RMDN3: variants seen among roughly 807,000 people sequenced by gnomAD.
RMDN3 encodes regulator of microtubule dynamics protein 3.
Under a neutral mutation model 61.8 loss-of-function variants are expected in RMDN3, and 41 were observed. The observed-to-expected ratio is 0.66, with a 90% CI of 0.52 to 0.86. RMDN3 has a LOEUF of 0.86. RMDN3 is among the 40% of genes least tolerant of loss of function. The probability of loss-of-function intolerance (pLI) is 0.00; values close to 1 mark genes in which losing one functional copy is unlikely to be tolerated. For missense variants in RMDN3, 557 were observed against 585.3 expected, an observed-to-expected ratio of 0.95 and a Z score of 0.50; for synonymous variants, 247 against 232.0, an observed-to-expected ratio of 1.06 and a Z score of -0.59.
intron 7 of RMDN3, 169 bp from the exon 8 acceptor site, chr15:40,738,745 G>A (rs944231207): frequency 3.9e-5 from 25 of 637,326 alleles, no homozygotes; most frequent in South Asian, 1.9e-4. Flanking sequence ...ACGGACCTCT[G>A]GCCCCAATTA....
At position 40,735,957 on chromosome 15, in the gene RMDN3, A is replaced by T. The variant is rs1023129012; in HGVS notation, c.*584T>A. ...TAGGCAACTTTTCAGACATTGTTTT[A>T]TAGCATCATAAACCCCATACCACTG... On this transcript the variant is annotated 3_prime_UTR_variant, in exon 13 of 13. Transcript: ENST00000338376. 2.0e-5 allele frequency: 3 copies of T among 152,242 alleles called. No individual in the cohort carries two copies. Among genetic ancestry groups the T allele is most frequent in the Non-Finnish European group, 4.4e-5 (3 of 68,050 alleles). 9.4% of individuals were successfully genotyped at this position (152,242 alleles called of 1,614,324 possible). A position where few individuals can be genotyped will look rare whatever the true frequency, so the allele number is the denominator to read the frequency against.
At chr15:40,751,155 T>C (rs1312054817) in intron 4 of RMDN3, among the ~76,000 whole-genome samples, 1 of 152,254 alleles carries the variant, frequency 6.6e-6, no homozygotes, top group Non-Finnish European at 1.5e-5. Context: ...TATCAAGTCC[T>C]TGTGATAACA....
chr15:40,739,316 A>G (rs144943903), intron 7 of RMDN3: 1 of 152,322 alleles, frequency 6.6e-6, no homozygotes, highest in African/African-American at 2.4e-5. Context: ...GGTATCAGAT[A>G]CTTCTAGAGG....
chr15:40,746,253 C>T lies in RMDN3; in HGVS notation c.525-994G>A, dbSNP rs941469346. The stretch of plus-strand genomic sequence containing the variant: ...ACACAAGGCTGGGGGCGGTGGCTCA[C>T]GCCTGTAATCCCAGCACTTTGGGAG... On this transcript the variant is annotated intron_variant, in intron 4 of 12. Transcript: ENST00000338376. 1.6e-4 allele frequency among the ~76,000 whole-genome samples: 24 copies of T among 152,102 alleles called. No individual in the cohort carries two copies. In the East Asian group the frequency reaches 1.7e-3, roughly 11 times the overall value.
chr15:40,747,750 G>C (rs1489123121), intron 4 of RMDN3: 1 of 149,092 alleles, frequency 6.7e-6, no homozygotes, highest in Non-Finnish European at 1.5e-5. Flanking sequence ...CTCCCTCTGA[G>C]CAGAGACTGC....
intron 4 of RMDN3, among the ~76,000 whole-genome samples, chr15:40,748,234 TG>T (rs1897658036): frequency 6.6e-6 from 1 of 152,156 alleles, no homozygotes; most frequent in Non-Finnish European, 1.5e-5. Context: ...CAGCTCTCCT[TG>T]CCCCAAGACA....
At chr15:40,743,049 G>C (rs1048187841) in intron 6 of RMDN3, among the ~76,000 whole-genome samples, 1 of 152,186 alleles carries the variant, frequency 6.6e-6, no homozygotes, top group Non-Finnish European at 1.5e-5. Context: ...TTGAGGTACT[G>C]TTTGAGTATA....
intron 6 of RMDN3, among the ~76,000 whole-genome samples, chr15:40,742,491 TAGAC>T (rs1166214885): frequency 2.0e-5 from 3 of 152,160 alleles, no homozygotes; most frequent in Non-Finnish European, 2.9e-5. Flanking sequence ...CCTGCCAAGC[TAGAC>T]AGACAGTGTT....
rs1567060286 is a variant in RMDN3 at position 40,736,604 on chromosome 15, C to CAAAG, written c.1360-14_1360-11dup. On this transcript the variant is annotated splice_polypyrimidine_tract_variant and intron_variant, in intron 12 of 12. Transcript: ENST00000338376. ...TCTGGATAGCCAAATCCTAGGGAGA[C>CAAAG]AAAGAACAAATCTAGGGCTCAAAAT... The CAAAG allele has an allele frequency of 1.2e-6, 2 of 1,613,456 alleles. No individual in the cohort carries two copies. The highest frequency in any genetic ancestry group is 1.7e-6 in the Non-Finnish European group (2 of 1,179,532).
Position 40,747,983 on chromosome 15 carries a change from G to T in RMDN3, c.525-2724C>A, listed in dbSNP as rs78917445. 5.4e-3 allele frequency among the ~76,000 whole-genome samples: 826 copies of T among 152,274 alleles called. 3 individuals carry two copies. Among genetic ancestry groups the T allele is most frequent in the Non-Finnish European group, 9.5e-3 (646 of 68,026 alleles). Reference sequence around the variant, plus strand: ...GCTGCAGGCAATTTCTCTTGGCTGAGATGCCTGGGAAGGCTTGCTGGAGGA... The same window carrying T: ...GCTGCAGGCAATTTCTCTTGGCTGATATGCCTGGGAAGGCTTGCTGGAGGA... On this transcript the variant is annotated intron_variant, in intron 4 of 12. Transcript: ENST00000338376.
At chr15:40,737,808 G>T in intron 9 of RMDN3, 82 bp from the exon 10 acceptor site, 1 of 1,490,890 alleles carries the variant, frequency 6.7e-7, no homozygotes, top group Non-Finnish European at 9.3e-7. Flanking sequence ...ATTGAAAATA[G>T]GGTCAAACGG....
chr15:40,745,425 T>C (rs1422954390), intron 4 of RMDN3, among the ~76,000 whole-genome samples, 166 bp from the exon 5 acceptor site: 1 of 150,868 alleles, frequency 6.6e-6, no homozygotes, highest in Non-Finnish European at 1.5e-5. Flanking sequence ...TTTTTTTTTT[T>C]TTTTTGAGAC....
At chr15:40,740,290 C>T in intron 6 of RMDN3, 97 bp from the exon 7 acceptor site, 1 of 816,088 alleles carries the variant, frequency 1.2e-6, no homozygotes, top group Non-Finnish European at 2.1e-6. Flanking sequence ...TCTCACCAAT[C>T]CCTACCCAGC....
At chr15:40,739,760 A>G (rs1897206308) in intron 7 of RMDN3, 1 of 199,040 alleles carries the variant, frequency 5.0e-6, no homozygotes, top group African/African-American at 2.3e-5. Flanking sequence ...AAGTACCAGC[A>G]GCCAGGGATC....
intron 4 of RMDN3, 41 bp downstream of exon 4, chr15:40,751,385 C>A (rs1460395281): frequency 6.2e-7 from 1 of 1,601,142 alleles, no homozygotes; most frequent in Admixed American, 1.7e-5. Flanking sequence ...CAAAACACAA[C>A]CTGGCTGTAG....
intron 4 of RMDN3, among the ~76,000 whole-genome samples, chr15:40,750,639 T>C (rs577814458): frequency 6.6e-6 from 1 of 152,326 alleles, no homozygotes; most frequent in South Asian, 2.1e-4. Flanking sequence ...CTAGTTTCCA[T>C]GTACCTGCTT....
intron 4 of RMDN3, among the ~76,000 whole-genome samples, chr15:40,746,290 C>A (rs1343193130): frequency 6.6e-6 from 1 of 151,940 alleles, no homozygotes. Flanking sequence ...CCGAGGCGGG[C>A]GGATCAGGAG....
intron 12 of RMDN3, 126 bp from the exon 13 acceptor site, chr15:40,736,720 C>T: frequency 2.6e-6 from 2 of 774,604 alleles, no homozygotes; most frequent in Non-Finnish European, 4.3e-6. Context: ...TTCCTACTTC[C>T]CCAGGATAGC....
rs1162576232 is a variant in RMDN3, at chr15:40,735,920, C to G, written c.*621G>C. 1 of 152,106 alleles carries G rather than the reference C, an allele frequency of 6.6e-6. No individual in the cohort carries two copies. The highest frequency in any genetic ancestry group is 1.5e-5 in the Non-Finnish European group (1 of 68,014). 9.4% of individuals were successfully genotyped at this position (152,106 alleles called of 1,614,324 possible). On this transcript the variant is annotated 3_prime_UTR_variant, in exon 13 of 13. Transcript: ENST00000338376. The stretch of plus-strand genomic sequence containing the variant: ...AATTTGGTTTATTTCAAGTTTGTAA[C>G]AAAATATATTCTAGGCAACTTTTCA...
Sources: gnomAD v4.1 joint callset for allele counts (sites outside exome capture counted in the v4.1 genomes callset) on GRCh38, gnomAD v4.1.1 for gene constraint, MANE v1.5 for transcripts, NCBI Gene and HGNC (gene_info 2026-07-23, HGNC 2026-07-21) for gene names.